Variants in DNAH14 observed in about 807,000 individuals in gnomAD.
DNAH14 encodes axonemal beta dynein heavy chain 14.
Under a neutral mutation model 520.9 loss-of-function variants are expected in DNAH14, and 478 were observed. That is an observed-to-expected ratio of 0.92 (90% CI 0.85 to 0.99). DNAH14 has a LOEUF of 0.99. Among genes scored for constraint, DNAH14 ranks in the 50% least tolerant of loss-of-function variants. DNAH14 has a pLI of 0.00. For missense variants in DNAH14, 4,831 were observed against 5,234.5 expected, an observed-to-expected ratio of 0.92 and a Z score of 2.38; for synonymous variants, 1,581 against 1,757.2, an observed-to-expected ratio of 0.90 and a Z score of 2.51.
At chr1:225,103,958 T>C (rs1372117721) in intron 23 of DNAH14, among the ~76,000 whole-genome samples, 1 of 152,160 alleles carries the variant, frequency 6.6e-6, no homozygotes. Flanking sequence ...AGGGCATCCC[T>C]GTCTTGTGCC....
At chr1:225,133,611 CTGTTT>C (rs1344404389) in intron 27 of DNAH14, among the ~76,000 whole-genome samples, 2 of 152,196 alleles carry the variant, frequency 1.3e-5, no homozygotes, top group Non-Finnish European at 2.9e-5. Flanking sequence ...CAGCACCATG[CTGTTT>C]TGGTCACTGT....
chr1:225,179,793 G>A lies in DNAH14; in HGVS notation c.5536-5498G>A, dbSNP rs564054374. ...TCCATTTAGCCTTTCTTGTAAGACA[G>A]GTCTGATGGTGATGAATCCCCTCAG... On this transcript the variant is annotated intron_variant, in intron 36 of 85. Coordinates refer to ENST00000682510, the MANE Select transcript of DNAH14 (RefSeq NM_001367479.1). Among the ~76,000 whole-genome samples, 15 of 152,218 alleles carry A rather than the reference G, an allele frequency of 9.9e-5. No individual in the cohort carries two copies. In the East Asian group the frequency reaches 1.9e-3, roughly 20 times the overall value.
intron 1 of DNAH14, among the ~76,000 whole-genome samples, 157 bp downstream of exon 1, chr1:224,929,992 C>T (rs2058572776): frequency 6.6e-6 from 1 of 151,962 alleles, no homozygotes; most frequent in African/African-American, 2.4e-5. Flanking sequence ...AGTCCCCGCG[C>T]GGAACCCTCA....
At chr1:225,373,478 AAGGG>A (rs1241534961) in intron 77 of DNAH14, among the ~76,000 whole-genome samples, 3 of 144,510 alleles carry the variant, frequency 2.1e-5, no homozygotes, top group Non-Finnish European at 4.6e-5. Flanking sequence ...GGAAGGGAGG[AAGGG>A]AGGGAGGGAG....
chr1:225,367,102 C>T (rs749754514), intron 76 of DNAH14, among the ~76,000 whole-genome samples: 2 of 151,794 alleles, frequency 1.3e-5, no homozygotes, highest in South Asian at 2.1e-4. Context: ...TAGATACCCA[C>T]ACAACTTATG....
intron 11 of DNAH14, among the ~76,000 whole-genome samples, chr1:225,025,677 C>G (rs2066055000): frequency 1.3e-5 from 2 of 151,994 alleles, no homozygotes; most frequent in Non-Finnish European, 2.9e-5. Context: ...ATCACTTGAG[C>G]CCAGGAGGTT....
chr1:225,238,609 C>A (rs554908409), intron 42 of DNAH14, among the ~76,000 whole-genome samples: 25 of 152,272 alleles, frequency 1.6e-4, no homozygotes, highest in Admixed American at 9.8e-4. Flanking sequence ...ATCAGGAACT[C>A]CCTTAAAGAA....
intron 17 of DNAH14, among the ~76,000 whole-genome samples, chr1:225,072,983 A>G (rs1288226790): frequency 6.6e-6 from 1 of 152,088 alleles, no homozygotes; most frequent in East Asian, 1.9e-4. Flanking sequence ...GAGGAATGGG[A>G]TTGGGAACCC....
In DNAH14 at chr1:225,301,134, T is replaced by C; in HGVS notation, c.8631+104T>C. 3 of 1,278,426 alleles carry C rather than the reference T, an allele frequency of 2.3e-6. 1 individual carries two copies. In the South Asian group the frequency reaches 4.8e-5, roughly 21 times the overall value. 79.2% of individuals were successfully genotyped at this position (1,278,426 alleles called of 1,614,324 possible). ...AGTTGGATATAATTTCTTTAGATCT[T>C]TATATGAGTTTTTAAGGTAAAATAA... On this transcript the variant is annotated intron_variant, in intron 56 of 85. Transcript: ENST00000682510.
intron 21 of DNAH14, among the ~76,000 whole-genome samples, chr1:225,089,442 C>CAAAAAAAAAAA (rs1169182387): frequency 6.7e-5 from 2 of 29,884 alleles, no homozygotes; most frequent in Non-Finnish European, 6.4e-5. Context: ...AAAACTCCGT[C>CAAAAAAAAAAA]AAAAAAAAAA....
chr1:225,152,103 A>T, intron 32 of DNAH14, 30 bp downstream of exon 32: 1 of 1,513,494 alleles, frequency 6.6e-7, no homozygotes, highest in South Asian at 1.2e-5. Context: ...GTGGGAATAG[A>T]CACAGACAAA....
chr1:225,109,374 GTCC>G (rs2076315589), intron 23 of DNAH14, among the ~76,000 whole-genome samples: 1 of 151,848 alleles, frequency 6.6e-6, no homozygotes, highest in Non-Finnish European at 1.5e-5. Flanking sequence ...ATTTTTTGGT[GTCC>G]TCATCAATTT....
rs142896101 is a variant in DNAH14, at chr1:225,391,375, G to A, written c.13331-916G>A. ...TAGTCCCAGCTACTCAGGAGGCTGAGGCAGGAGGATTGCTTGAGCCCAGGA... is the reference window on the plus strand; with the variant it reads ...TAGTCCCAGCTACTCAGGAGGCTGAAGCAGGAGGATTGCTTGAGCCCAGGA... On this transcript the variant is annotated intron_variant, in intron 83 of 85. Transcript: ENST00000682510. Among the ~76,000 whole-genome samples, 9 of 152,352 alleles carry A rather than the reference G, an allele frequency of 5.9e-5. No individual in the cohort carries two copies. The East Asian group carries it at 1.5e-3, about 26-fold the overall frequency.
intron 10 of DNAH14, among the ~76,000 whole-genome samples, chr1:225,007,940 T>TA (rs397983019): frequency 1.3e-5 from 2 of 151,316 alleles, no homozygotes; most frequent in Non-Finnish European, 2.9e-5. Flanking sequence ...TTTTTTTTTT[T>TA]ATACTTTAAG....
chr1:225,370,058 G>A (rs2095600729), intron 77 of DNAH14, among the ~76,000 whole-genome samples: 1 of 152,100 alleles, frequency 6.6e-6, no homozygotes, highest in Non-Finnish European at 1.5e-5. Flanking sequence ...GGGAGGCCGA[G>A]GCAGTTGGAT....
At chr1:225,016,485 C>G (rs527388364) in intron 10 of DNAH14, among the ~76,000 whole-genome samples, 1 of 152,228 alleles carries the variant, frequency 6.6e-6, no homozygotes, top group South Asian at 2.1e-4. Flanking sequence ...CTTTCTTTCT[C>G]TTTGACTTTG....
intron 8 of DNAH14, among the ~76,000 whole-genome samples, chr1:225,000,234 C>A (rs2063664844): frequency 2.0e-5 from 3 of 152,246 alleles, no homozygotes; most frequent in Admixed American, 1.3e-4. Flanking sequence ...GTGTGACTTT[C>A]TTCTAACCAT....
At chr1:225,010,551 A>T (rs893565483) in intron 10 of DNAH14, among the ~76,000 whole-genome samples, 1 of 151,620 alleles carries the variant, frequency 6.6e-6, no homozygotes, top group Non-Finnish European at 1.5e-5. Flanking sequence ...TTGGCCTGAA[A>T]TTTTCTTTTT....
intron 8 of DNAH14, among the ~76,000 whole-genome samples, chr1:224,981,711 A>G (rs1009818131): frequency 5.3e-5 from 8 of 152,082 alleles, no homozygotes; most frequent in African/African-American, 1.9e-4. Context: ...TGGTCTATCA[A>G]TCTTATTTAT....
Sources: allele counts gnomAD v4.1 joint callset (sites outside exome capture counted in the v4.1 genomes callset), GRCh38; gene constraint gnomAD v4.1.1; transcripts MANE v1.5; gene names NCBI Gene and HGNC (gene_info 2026-07-23, HGNC 2026-07-21).